Variants in MTHFD1L observed in about 807,000 individuals in gnomAD.
MTHFD1L encodes methylenetetrahydrofolate dehydrogenase (NADP+ dependent) 1 like.
In MTHFD1L, 81 loss-of-function variants were observed where a neutral mutation model predicts 119.5. That is an observed-to-expected ratio of 0.68 (90% CI 0.57 to 0.82). The LOEUF (loss-of-function observed/expected upper bound fraction) is 0.82. Ranked by LOEUF, MTHFD1L falls within the 40% of genes least tolerant of loss-of-function variation. The pLI, the probability that MTHFD1L is intolerant of heterozygous loss-of-function variation, is 0.00. For synonymous variants in MTHFD1L, 430 were observed against 475.2 expected (o/e 0.90, Z 1.24); for missense variants, 1,125 against 1,253.4 (o/e 0.90, Z 1.55).
intron 7 of MTHFD1L, among the ~76,000 whole-genome samples, chr6:150,896,666 T>C (rs1458301883): frequency 6.6e-6 from 1 of 152,190 alleles, no homozygotes; most frequent in East Asian, 1.9e-4. Context: ...TGATCATTGC[T>C]CTGTTTGTTA....
At chr6:151,052,485 GC>G (rs553829783) in intron 26 of MTHFD1L, among the ~76,000 whole-genome samples, 81 of 152,114 alleles carry the variant, frequency 5.3e-4, no homozygotes, top group Non-Finnish European at 8.2e-4. Context: ...AAGGATGGTT[GC>G]TTCTCTACCC....
At chr6:150,978,219 G>GA (rs1274129503) in intron 20 of MTHFD1L, among the ~76,000 whole-genome samples, 1 of 151,884 alleles carries the variant, frequency 6.6e-6, no homozygotes. Context: ...TTAACCTGGA[G>GA]AAAATTACAC....
In MTHFD1L at chr6:150,876,182, G is replaced by A. The variant is rs777974785; in HGVS notation, c.312+8G>A. 5.1e-6 allele frequency: 8 copies of A among 1,572,196 alleles called. No homozygotes were observed. The highest frequency in any genetic ancestry group is 3.7e-5 in the Admixed American group (2 of 53,372). On this transcript the variant is annotated splice_region_variant and intron_variant, in intron 2 of 27. Transcript: ENST00000367321. ...GTTCTTGCAATTATCCAGGTAAGCC[G>A]AGAACAAGGTTCAGTCCTACTATTT... is the stretch of plus-strand genomic sequence containing the variant.
At chr6:150,924,210 C>G (rs1273620427) in intron 10 of MTHFD1L, among the ~76,000 whole-genome samples, 1 of 152,052 alleles carries the variant, frequency 6.6e-6, no homozygotes, top group Non-Finnish European at 1.5e-5. Flanking sequence ...AAGAGAAAAC[C>G]TTACAGGTGT....
chr6:150,866,257 C>T, intron 1 of MTHFD1L: 1 of 1,434,340 alleles, frequency 7.0e-7, no homozygotes, highest in South Asian at 1.4e-5. Flanking sequence ...ATCCAGTACC[C>T]GACCGGGCCC....
intron 7 of MTHFD1L, chr6:150,898,751 C>G (rs1161026116): frequency 3.4e-6 from 1 of 296,532 alleles, no homozygotes; most frequent in Non-Finnish European, 6.3e-6. Context: ...CTTCCTGTTA[C>G]CACCCCCCAT....
chr6:151,064,656 A>G (rs1232078027), intron 26 of MTHFD1L, among the ~76,000 whole-genome samples: 6 of 152,214 alleles, frequency 3.9e-5, no homozygotes, highest in African/African-American at 1.4e-4. Flanking sequence ...TTGTCCCACA[A>G]CTTACTGAAG....
chr6:151,101,015 C>G (rs540187131), intron 27 of MTHFD1L, among the ~76,000 whole-genome samples: 1 of 151,884 alleles, frequency 6.6e-6, no homozygotes, highest in South Asian at 2.1e-4. Flanking sequence ...AAAAATTAGC[C>G]GGGCATGGTG....
chr6:150,981,770 C>G (rs1025602860), intron 20 of MTHFD1L, among the ~76,000 whole-genome samples: 4 of 152,134 alleles, frequency 2.6e-5, no homozygotes, highest in Non-Finnish European at 5.9e-5. Flanking sequence ...TGTAATAATA[C>G]TCTTCTGATA....
In MTHFD1L at chr6:150,977,902, C is replaced by CT. The variant is rs11355188; in HGVS notation, c.2125+5860dup. ...CATATGGAGACATATATATATACACCTTTTTTTTTTTTTTTTGAGATGGAG... is the reference window on the plus strand; with the variant it reads ...CATATGGAGACATATATATATACACCTTTTTTTTTTTTTTTTTGAGATGGAG... On this transcript the variant is annotated intron_variant, in intron 20 of 27. Coordinates refer to ENST00000367321, the MANE Select transcript of MTHFD1L (RefSeq NM_015440.5). Among the ~76,000 whole-genome samples, 679 of 141,116 alleles carry CT rather than the reference C, an allele frequency of 4.8e-3. 3 individuals carry two copies. The highest frequency in any genetic ancestry group is 7.4e-3 in the Middle Eastern group (2 of 272). The allele number at this position is 141,116 out of a possible 152,430, so 92.6% of individuals were successfully genotyped here.
At chr6:151,081,750 G>A (rs1182107575) in intron 26 of MTHFD1L, among the ~76,000 whole-genome samples, 2 of 152,144 alleles carry the variant, frequency 1.3e-5, no homozygotes, top group Non-Finnish European at 2.9e-5. Context: ...GGGTCGGAGG[G>A]GCAAGGGTCT....
intron 26 of MTHFD1L, among the ~76,000 whole-genome samples, chr6:151,047,975 G>A (rs111329627): frequency 3.9e-5 from 6 of 152,186 alleles, no homozygotes; most frequent in African/African-American, 7.2e-5. Context: ...TTCACATGGC[G>A]GCAGGAAAGA....
At chr6:150,911,236 T>C (rs1786832291) in intron 8 of MTHFD1L, among the ~76,000 whole-genome samples, 1 of 152,184 alleles carries the variant, frequency 6.6e-6, no homozygotes, top group African/African-American at 2.4e-5. Flanking sequence ...GTTTCAGTGG[T>C]CCAAATTAAG....
chr6:150,971,804 G>C (rs1798031045), intron 19 of MTHFD1L, 143 bp from the exon 20 acceptor site: 2 of 644,954 alleles, frequency 3.1e-6, no homozygotes, highest in East Asian at 5.5e-5. Context: ...GAGTCAGGGT[G>C]TTTTGACTGT....
chr6:151,010,611 A>G (rs1335911288), intron 21 of MTHFD1L, among the ~76,000 whole-genome samples: 1 of 152,212 alleles, frequency 6.6e-6, no homozygotes, highest in Admixed American at 6.5e-5. Context: ...GAAATTACAG[A>G]CATTATAAAG....
chr6:150,887,915 C>A lies in MTHFD1L; in HGVS notation c.714C>A (p.Cys238Ter). ...AHGSLEAALQ[C>*]LFQRKGSMTM... is the part of the protein sequence containing the mutation. ...GGTCTTTGGAAGCTGCTCTACAATG[C>A]CTGTTCCAGAGAAAAGGGTCCATGA... The change falls in exon 7 of 28, where the codon TGC becomes TGA. Residue 238 changes from cysteine to a stop codon, truncating the protein, a stop_gained. Coordinates refer to ENST00000367321, the MANE Select transcript of MTHFD1L (RefSeq NM_015440.5). LOFTEE classifies it high-confidence loss of function. 6.2e-7 allele frequency: 1 copy of A among 1,610,678 alleles called. No homozygotes were observed. The highest frequency in any genetic ancestry group is 8.5e-7 in the Non-Finnish European group (1 of 1,178,706).
At chr6:150,953,055 C>T (rs375198439) in intron 16 of MTHFD1L, among the ~76,000 whole-genome samples, 32 of 152,282 alleles carry the variant, frequency 2.1e-4, no homozygotes, top group African/African-American at 7.5e-4. Flanking sequence ...CCTCGCATGC[C>T]CAACTCCTGG....
chr6:150,937,450 C>T (rs888756391), intron 12 of MTHFD1L, among the ~76,000 whole-genome samples: 4 of 152,234 alleles, frequency 2.6e-5, no homozygotes, highest in African/African-American at 9.6e-5. Context: ...ATTACTCTTT[C>T]TTCCCTGATT....
At chr6:150,990,005 G>A (rs1203987028) in intron 20 of MTHFD1L, among the ~76,000 whole-genome samples, 13 of 152,184 alleles carry the variant, frequency 8.5e-5, no homozygotes, top group Non-Finnish European at 1.6e-4. Flanking sequence ...AAGGCCGGGC[G>A]CAGTGGCTCA....
Sources: gnomAD v4.1 joint callset for allele counts (sites outside exome capture counted in the v4.1 genomes callset) on GRCh38, gnomAD v4.1.1 for gene constraint, MANE v1.5 for transcripts, NCBI Gene and HGNC (gene_info 2026-07-23, HGNC 2026-07-21) for gene names.